SYDE2: variants seen among roughly 807,000 people sequenced by gnomAD.
SYDE2 encodes rho GTPase-activating protein SYDE2.
Under a neutral mutation model 91.5 loss-of-function variants are expected in SYDE2, and 76 were observed. The ratio of observed to expected loss-of-function variants is 0.83; its 90% CI spans 0.69 to 1.01. The LOEUF is 1.01. Among genes scored for constraint, SYDE2 ranks in the 50% least tolerant of loss-of-function variants. The pLI, the probability that SYDE2 is intolerant of heterozygous loss-of-function variation, is 0.00. For missense variants in SYDE2, 1,364 were observed against 1,367.7 expected, an observed-to-expected ratio of 1.00 and a Z score of 0.04; for synonymous variants, 513 against 506.4, an observed-to-expected ratio of 1.01 and a Z score of -0.18.
rs1657990976 is a variant in SYDE2, at chr1:85,182,925, C to T, written c.1717G>A (p.Asp573Asn). The T allele has an allele frequency of 6.8e-6, 11 of 1,613,652 alleles. No individual in the cohort carries two copies. The Admixed American group carries it at 1.8e-4, about 27-fold the overall frequency. Residue 573 changes from aspartate to asparagine, a missense_variant, in exon 3 of 7, where the codon GAT (aspartate) becomes AAT (asparagine). Transcript: ENST00000341460. ...KYNCREVHHTDILPSGNTTTA... is the reference protein window; with the variant it reads ...KYNCREVHHTNILPSGNTTTA... The stretch of plus-strand genomic sequence containing the variant: ...GTTGTGTTCCCAGAGGGCAGAATAT[C>T]AGTATGATGAACTTCTCGGCAGTTA...
At chr1:85,169,965 T>C (rs1252437742) in intron 4 of SYDE2, among the ~76,000 whole-genome samples, 4 of 152,084 alleles carry the variant, frequency 2.6e-5, no homozygotes, top group Non-Finnish European at 5.9e-5. Context: ...GTAGGTAAGA[T>C]ACAAGCTAAA....
chr1:85,170,403 A>G (rs1426987782), intron 4 of SYDE2, among the ~76,000 whole-genome samples: 1 of 152,122 alleles, frequency 6.6e-6, no homozygotes, highest in Non-Finnish European at 1.5e-5. Flanking sequence ...CAAGTTTTAA[A>G]TATTTAATAG....
chr1:85,199,929 A>G (rs1171300293), intron 1 of SYDE2, among the ~76,000 whole-genome samples: 1 of 152,118 alleles, frequency 6.6e-6, no homozygotes. Context: ...CCATCTGTAA[A>G]CCTACTAAAA....
chr1:85,184,507 C>T (rs754946073), intron 2 of SYDE2, among the ~76,000 whole-genome samples: 1 of 151,970 alleles, frequency 6.6e-6, no homozygotes, highest in Admixed American at 6.6e-5. Context: ...ACAATACTAC[C>T]CTACATGTAA....
chr1:85,155,464 C>G (rs1656859297), downstream of SYDE2, among the ~76,000 whole-genome samples: 1 of 151,870 alleles, frequency 6.6e-6, no homozygotes, highest in Non-Finnish European at 1.5e-5. Flanking sequence ...CATAACAATA[C>G]CCCGTCTCTA....
At chr1:85,162,367 T>C (rs1484024190) in intron 6 of SYDE2, among the ~76,000 whole-genome samples, 1 of 152,212 alleles carries the variant, frequency 6.6e-6, no homozygotes, top group East Asian at 1.9e-4. Flanking sequence ...CCACATTCTC[T>C]ATGTCACCAT....
At chr1:85,187,476 GA>G (rs1439761169) in intron 2 of SYDE2, among the ~76,000 whole-genome samples, 3 of 151,548 alleles carry the variant, frequency 2.0e-5, no homozygotes, top group Non-Finnish European at 4.4e-5. Flanking sequence ...CAGGGATCTA[GA>G]ACTAGAAATA....
At chr1:85,177,039 A>T (rs773293951) in intron 4 of SYDE2, among the ~76,000 whole-genome samples, 1 of 152,126 alleles carries the variant, frequency 6.6e-6, no homozygotes, top group Non-Finnish European at 1.5e-5. Context: ...CCATAGAATG[A>T]CTGTATCACA....
At chr1:85,199,472 T>C (rs1298604278) in intron 1 of SYDE2, among the ~76,000 whole-genome samples, 6 of 152,328 alleles carry the variant, frequency 3.9e-5, no homozygotes, top group Admixed American at 3.9e-4. Context: ...AGGATCAATA[T>C]ACTTTTTAAA....
chr1:85,167,943 G>A (rs561376689), intron 5 of SYDE2, among the ~76,000 whole-genome samples: 4 of 151,860 alleles, frequency 2.6e-5, no homozygotes, highest in Admixed American at 6.6e-5. Flanking sequence ...GTGAAACCCC[G>A]TCTCTACTGA....
intron 5 of SYDE2, among the ~76,000 whole-genome samples, chr1:85,165,077 T>C (rs753483449): frequency 7.9e-5 from 12 of 151,782 alleles, no homozygotes; most frequent in South Asian, 2.1e-4. Flanking sequence ...TCTACTAAAA[T>C]AGAAAAATTA....
At chr1:85,199,517 G>T (rs1287399247) in intron 1 of SYDE2, among the ~76,000 whole-genome samples, 1 of 152,094 alleles carries the variant, frequency 6.6e-6, no homozygotes, top group Non-Finnish European at 1.5e-5. Context: ...TAGGATTTAA[G>T]TTTGCAAATG....
chr1:85,181,043 T>C (rs1445210972), intron 3 of SYDE2: 1 of 151,746 alleles, frequency 6.6e-6, no homozygotes, highest in Non-Finnish European at 1.5e-5. Flanking sequence ...ATGATGTATC[T>C]GAGTTAGAAG....
chr1:85,156,959 G>C lies in SYDE2; in HGVS notation c.*1791C>G, dbSNP rs1309317624. ...CAACAAAAGGAAGGAAACTGAGACA[G>C]CTTTCCTATAAAACATTCAAGAGTA... On this transcript the variant is annotated 3_prime_UTR_variant, in exon 7 of 7. Coordinates refer to ENST00000341460, the MANE Select transcript of SYDE2 (RefSeq NM_032184.2). The C allele has an allele frequency of 6.6e-6, 1 of 151,978 alleles. No homozygotes were observed. The highest frequency in any genetic ancestry group is 2.4e-5 in the African/African-American group (1 of 41,428). The allele number at this position is 151,978 out of a possible 1,614,324, so 9.4% of individuals were successfully genotyped here. A position where few individuals can be genotyped will look rare whatever the true frequency, so the allele number is the denominator to read the frequency against.
chr1:85,189,862 T>C (rs760593860), intron 2 of SYDE2, among the ~76,000 whole-genome samples, 195 bp downstream of exon 2: 1 of 152,098 alleles, frequency 6.6e-6, no homozygotes, highest in Non-Finnish European at 1.5e-5. Context: ...ATCAAGTCTG[T>C]GATAGTAATA....
chr1:85,169,052 T>C lies in SYDE2; in HGVS notation c.2845A>G (p.Ile949Val). The change falls in exon 5 of 7, where the codon ATT becomes GTT. Residue 949 changes from isoleucine to valine, a missense_variant. Transcript: ENST00000341460. ...ATACTGGTAATGCTTACCTTCTCAA[T>C]CTCTGGCAGACAATCCAGCAGGTCA... is the stretch of plus-strand genomic sequence containing the variant. ...TVDLLDCLPE[I>V]EKATLKMLLD... is the part of the protein sequence containing the mutation. 2 of 1,613,832 alleles carry C rather than the reference T, an allele frequency of 1.2e-6. No individual in the cohort carries two copies. The highest frequency in any genetic ancestry group is 2.2e-5 in the South Asian group (2 of 91,074).
At chr1:85,190,883 T>C in intron 1 of SYDE2, 131 bp from the exon 2 acceptor site, 1 of 590,634 alleles carries the variant, frequency 1.7e-6, no homozygotes, top group South Asian at 3.1e-5. Flanking sequence ...GAGACTAAAA[T>C]TGAACTAGAA....
intron 3 of SYDE2, chr1:85,181,129 A>C (rs1570254731): frequency 1.4e-5 from 2 of 140,538 alleles, no homozygotes; most frequent in African/African-American, 2.6e-5. Flanking sequence ...TAGCTTCAGG[A>C]AGCTACTCCA....
At chr1:85,179,570 T>C (rs1378167757) in intron 3 of SYDE2, among the ~76,000 whole-genome samples, 1 of 152,012 alleles carries the variant, frequency 6.6e-6, no homozygotes, top group African/African-American at 2.4e-5. Context: ...AACCAAGAAA[T>C]AGGAAAAAAA....
Sources: allele counts gnomAD v4.1 joint callset (sites outside exome capture counted in the v4.1 genomes callset), GRCh38; gene constraint gnomAD v4.1.1; transcripts MANE v1.5; gene names NCBI Gene and HGNC (gene_info 2026-07-23, HGNC 2026-07-21).